PCYOX1L: variants seen among roughly 807,000 people sequenced by gnomAD.
PCYOX1L encodes prenylcysteine oxidase 1-like.
PCYOX1L carries 40 observed loss-of-function variants against 44.1 expected under a neutral mutation model. The ratio of observed to expected loss-of-function variants is 0.91; its 90% CI spans 0.70 to 1.18. The LOEUF is 1.18. PCYOX1L is among the 50% of genes most tolerant of loss of function. The pLI is 0.00. For missense variants in PCYOX1L, 605 were observed against 653.3 expected (o/e 0.93, Z 0.81); for synonymous variants, 266 against 282.8 (o/e 0.94, Z 0.60).
chr5:149,358,738 G>A (rs1000664845), intron 1 of PCYOX1L, among the ~76,000 whole-genome samples: 3 of 152,204 alleles, frequency 2.0e-5, no homozygotes, highest in African/African-American at 7.2e-5. Flanking sequence ...TAGGTCCGCT[G>A]GAGATTTGCT....
chr5:149,366,134 A>G lies in PCYOX1L; in HGVS notation c.663A>G (p.Ala221=), dbSNP rs1300330511. Residue 221 remains alanine, a synonymous_variant, in exon 4 of 6, where the codon GCA becomes GCG. Coordinates refer to ENST00000274569, the MANE Select transcript of PCYOX1L (RefSeq NM_024028.4). The stretch of plus-strand genomic sequence containing the variant: ...TGCGGGCCAGCTATGGCCAGTCAGC[A>G]GCGATGCCCGCCTTTGCAGGTAAGC... ...AVLRASYGQS[A]AMPAFAGAMS... The G allele has an allele frequency of 1.9e-6, 3 of 1,612,622 alleles. No individual in the cohort carries two copies. The highest frequency in any genetic ancestry group is 2.2e-5 in the East Asian group (1 of 44,890).
chr5:149,364,252 C>T (rs777326068), intron 3 of PCYOX1L, 42 bp downstream of exon 3: 20 of 1,607,370 alleles, frequency 1.2e-5, no homozygotes, highest in Admixed American at 1.0e-4. Flanking sequence ...CCAGGGGAAC[C>T]GAGAAGAGGT....
In PCYOX1L at chr5:149,367,457, T is replaced by A; in HGVS notation, c.780T>A (p.Asn260Lys). 6.2e-7 allele frequency: 1 copy of A among 1,613,958 alleles called. No individual in the cohort carries two copies. Among genetic ancestry groups the A allele is most frequent in the African/African-American group, 1.3e-5 (1 of 75,052 alleles). Residue 260 changes from asparagine to lysine, a missense_variant, in exon 5 of 6, where the codon AAT becomes AAA. By Grantham distance (94) the Asn-to-Lys change is moderately conservative. Coordinates refer to ENST00000274569, the MANE Select transcript of PCYOX1L (RefSeq NM_024028.4). Reference sequence around the variant, plus strand: ...GTTTGCTGAAGCTCACCAAGGCCAATGTGATCCATGCCACAGTGACCTCTG... The same window carrying A: ...GTTTGCTGAAGCTCACCAAGGCCAAAGTGATCCATGCCACAGTGACCTCTG... ...CSGLLKLTKANVIHATVTSVT... is the reference protein window; with the variant it reads ...CSGLLKLTKAKVIHATVTSVT...
intron 1 of PCYOX1L, among the ~76,000 whole-genome samples, chr5:149,361,186 A>G (rs1173765641): frequency 6.6e-6 from 1 of 152,140 alleles, no homozygotes; most frequent in Non-Finnish European, 1.5e-5. Flanking sequence ...AGGCAGGAGG[A>G]TCACTTGAGC....
Position 149,368,149 on chromosome 5 carries a change from G to T in PCYOX1L, c.980G>T (p.Gly327Val). The change falls in exon 6 of 6, where the codon GGC becomes GTC. Residue 327 changes from glycine (G) to valine (V), a missense_variant. Coordinates refer to ENST00000274569, the MANE Select transcript of PCYOX1L (RefSeq NM_024028.4). ...GFHPPIDDVQ[G>V]SFQPTVVSLV... ...CACCCGCCCATTGATGACGTGCAGG[G>T]CTCTTTCCAGCCCACCGTCGTCTCC... 6.2e-7 allele frequency: 1 copy of T among 1,613,404 alleles called. No homozygotes were observed. The highest frequency in any genetic ancestry group is 8.5e-7 in the Non-Finnish European group (1 of 1,179,620).
chr5:149,368,910 G>A lies in PCYOX1L; in HGVS notation c.*256G>A. ...TTGTTTTATTTATTTTTTTTAAGAAGAAAAAAGTTCATCTTCACAAGGTGC... is the reference window on the plus strand; with the variant it reads ...TTGTTTTATTTATTTTTTTTAAGAAAAAAAAAGTTCATCTTCACAAGGTGC... On this transcript the variant is annotated 3_prime_UTR_variant, in exon 6 of 6. Coordinates refer to ENST00000274569, the MANE Select transcript of PCYOX1L (RefSeq NM_024028.4). 1 of 337,842 alleles carries A rather than the reference G, an allele frequency of 3.0e-6. No homozygotes were observed. Among genetic ancestry groups the A allele is most frequent in the Non-Finnish European group, 5.3e-6 (1 of 189,302 alleles). 20.9% of individuals were successfully genotyped at this position (337,842 alleles called of 1,614,324 possible). A position where few individuals can be genotyped will look rare whatever the true frequency, so the allele number is the denominator to read the frequency against.
intron 3 of PCYOX1L, 62 bp from the exon 4 acceptor site, chr5:149,365,879 AG>A: frequency 6.5e-7 from 1 of 1,536,040 alleles, no homozygotes. Flanking sequence ...ACTATAACCC[AG>A]GGGCAGGTGG....
intron 1 of PCYOX1L, chr5:149,362,412 C>T: frequency 1.8e-6 from 1 of 547,320 alleles, no homozygotes; most frequent in Non-Finnish European, 3.3e-6. Context: ...ATACCTTTTT[C>T]TTTATGAAAC....
chr5:149,363,072 C>T (rs1758065417), intron 2 of PCYOX1L: 1 of 674,362 alleles, frequency 1.5e-6, no homozygotes, highest in African/African-American at 1.8e-5. Flanking sequence ...AGGCCAGTTT[C>T]TTTCCCTTTC....
chr5:149,360,408 C>T (rs1757974397), intron 1 of PCYOX1L, among the ~76,000 whole-genome samples: 1 of 152,130 alleles, frequency 6.6e-6, no homozygotes, highest in Admixed American at 6.5e-5. Flanking sequence ...GGGATGGGAG[C>T]ACACTGGTTA....
chr5:149,363,360 G>T, intron 2 of PCYOX1L: 1 of 313,332 alleles, frequency 3.2e-6, no homozygotes, highest in South Asian at 2.9e-5. Flanking sequence ...TGCTACAGGT[G>T]GTCTTACAGA....
chr5:149,358,075 C>A lies in PCYOX1L; in HGVS notation c.7C>A (p.Arg3Ser). The A allele has an allele frequency of 6.5e-6, 9 of 1,387,006 alleles. No individual in the cohort carries two copies. Among genetic ancestry groups the A allele is most frequent in the African/African-American group, 3.0e-5 (2 of 66,266 alleles). The allele number at this position is 1,387,006 out of a possible 1,614,324, so 85.9% of individuals were successfully genotyped here. The part of the protein sequence containing the change: MA[R>S]AAPLLAALTA... Reference sequence around the variant, plus strand: ...TGCCCGCTCGCCGCCCGCCATGGCCCGCGCAGCCCCGCTGCTCGCCGCGTT... The same window carrying A: ...TGCCCGCTCGCCGCCCGCCATGGCCAGCGCAGCCCCGCTGCTCGCCGCGTT... Residue 3 changes from arginine to serine, a missense_variant, in exon 1 of 6, where the codon CGC (arginine) becomes AGC (serine). Transcript: ENST00000274569.
intron 4 of PCYOX1L, 21 bp from the exon 5 acceptor site, chr5:149,367,339 C>T (rs1408738356): frequency 4.4e-6 from 7 of 1,601,020 alleles, no homozygotes; most frequent in Admixed American, 1.8e-5. Context: ...CCTATCAGCA[C>T]CCACTTCCCG....
rs182348632 is a variant in PCYOX1L at position 149,367,208 on chromosome 5, T to G, written c.683-152T>G. ...CCCCCCATAGCATTGTGCACTTTGT[T>G]GTACTTACTTGTATGTTTGCCATCT... On this transcript the variant is annotated intron_variant, in intron 4 of 5. Transcript: ENST00000274569. 2.6e-4 allele frequency: 230 copies of G among 893,340 alleles called. 1 individual carries two copies. The African/African-American group carries it at 3.3e-3, about 13-fold the overall frequency. 55.3% of individuals were successfully genotyped at this position (893,340 alleles called of 1,614,324 possible). A position where few individuals can be genotyped will look rare whatever the true frequency, so the allele number is the denominator to read the frequency against.
At chr5:149,360,987 G>A (rs1035415771) in intron 1 of PCYOX1L, among the ~76,000 whole-genome samples, 6 of 152,230 alleles carry the variant, frequency 3.9e-5, no homozygotes, top group Non-Finnish European at 8.8e-5. Context: ...TTGGGGTAAG[G>A]CCTCTGGACT....
chr5:149,367,870 T>G, intron 5 of PCYOX1L, 123 bp from the exon 6 acceptor site: 1 of 1,079,406 alleles, frequency 9.3e-7, no homozygotes, highest in Non-Finnish European at 1.3e-6. Flanking sequence ...GGACCCACCA[T>G]TTAGACAGCC....
chr5:149,359,606 AACAGG>A (rs1173255607), intron 1 of PCYOX1L, among the ~76,000 whole-genome samples: 1 of 152,196 alleles, frequency 6.6e-6, no homozygotes, highest in Non-Finnish European at 1.5e-5. Flanking sequence ...AGGAACAGGC[AACAGG>A]ACAGGACATT....
In PCYOX1L at chr5:149,358,145, C is replaced by A; in HGVS notation, c.77C>A (p.Pro26Gln). The part of the protein sequence containing the change: ...AAAAAGGDAP[P>Q]GKIAVVGAGI... ...GCCGCTGCTGGCGGAGATGCCCCGC[C>A]GGGCAAAATCGGTGCGGGAAGGACG... Residue 26 changes from proline (P) to glutamine (Q), a missense_variant, in exon 1 of 6, where the codon CCG (proline) becomes CAG (glutamine). By Grantham distance (76) the Pro-to-Gln change is moderately conservative. Coordinates refer to ENST00000274569, the MANE Select transcript of PCYOX1L (RefSeq NM_024028.4). The A allele has an allele frequency of 6.9e-7, 1 of 1,457,450 alleles. No homozygotes were observed. The highest frequency in any genetic ancestry group is 9.0e-7 in the Non-Finnish European group (1 of 1,107,932). The allele number at this position is 1,457,450 out of a possible 1,614,324, so 90.3% of individuals were successfully genotyped here.
In PCYOX1L at chr5:149,358,074, C is replaced by T. The variant is rs546944344; in HGVS notation, c.6C>T (p.Ala2=). 4.4e-4 allele frequency: 608 copies of T among 1,385,588 alleles called. 9 individuals are homozygous for T. The South Asian group carries it at 9.1e-3, about 21-fold the overall frequency. 85.8% of individuals were successfully genotyped at this position (1,385,588 alleles called of 1,614,324 possible). The stretch of plus-strand genomic sequence containing the variant: ...CTGCCCGCTCGCCGCCCGCCATGGC[C>T]CGCGCAGCCCCGCTGCTCGCCGCGT... The part of the protein sequence containing the change: M[A]RAAPLLAALT... Residue 2 remains alanine, a synonymous_variant, in exon 1 of 6, where the codon GCC becomes GCT. Coordinates refer to ENST00000274569, the MANE Select transcript of PCYOX1L (RefSeq NM_024028.4).
Sources: gnomAD v4.1 joint callset for allele counts (sites outside exome capture counted in the v4.1 genomes callset) on GRCh38, gnomAD v4.1.1 for gene constraint, MANE v1.5 for transcripts, NCBI Gene and HGNC (gene_info 2026-07-23, HGNC 2026-07-21) for gene names.